Variants in DEFB1 observed in about 807,000 individuals in gnomAD.
The protein encoded by DEFB1 is defensin beta 1.
In DEFB1, 4 loss-of-function variants were observed where a neutral mutation model predicts 2.6. The observed-to-expected ratio is 1.53, with a 90% CI of 0.76 to 3.51. The LOEUF (loss-of-function observed/expected upper bound fraction) is 3.51. DEFB1 is among the 30% of genes most tolerant of loss of function. DEFB1 has a pLI of 0.01. For missense variants in DEFB1, 162 were observed against 76.9 expected (o/e 2.11, Z -4.14); for synonymous variants, 56 against 28.5 (o/e 1.96, Z -3.07).
intron 1 of DEFB1, among the ~76,000 whole-genome samples, chr8:6,874,118 TACACACACACAC>T (rs756827017): frequency 1.7e-5 from 2 of 120,232 alleles, no homozygotes; most frequent in Non-Finnish European, 3.4e-5. Context: ...ATATCTGACA[TACACACACACAC>T]ACACACACAC....
chr8:6,877,845 A>T lies in DEFB1; in HGVS notation c.13T>A (p.Tyr5Asn). Residue 5 changes from tyrosine (Y) to asparagine (N), a missense_variant, in exon 1 of 2, where the codon TAC (tyrosine) becomes AAC (asparagine). Tyr to Asn is a moderately radical substitution (Grantham distance 143, BLOSUM62 -2). Coordinates refer to ENST00000297439, the MANE Select transcript of DEFB1 (RefSeq NM_005218.4). The stretch of plus-strand genomic sequence containing the variant: ...AAGCAGAGAGTAAACAGCAGAAGGT[A>T]GGAAGTTCTCATGGCGACTGGCAGG... MRTS[Y>N]LLLFTLCLLL... 1 of 1,614,052 alleles carries T rather than the reference A, an allele frequency of 6.2e-7. No homozygotes were observed. The highest frequency in any genetic ancestry group is 8.5e-7 in the Non-Finnish European group (1 of 1,179,934).
chr8:6,873,159 C>A (rs954358803), intron 1 of DEFB1, among the ~76,000 whole-genome samples: 1 of 152,172 alleles, frequency 6.6e-6, no homozygotes, highest in African/African-American at 2.4e-5. Context: ...TTAATTCAAC[C>A]TTTCTGTGAT....
At chr8:6,875,622 G>C (rs1217957118) in intron 1 of DEFB1, among the ~76,000 whole-genome samples, 3 of 152,170 alleles carry the variant, frequency 2.0e-5, no homozygotes, top group Admixed American at 2.0e-4. Context: ...ATCAAATGTT[G>C]GCAAGGATAC....
At chr8:6,873,948 A>T (rs1331749488) in intron 1 of DEFB1, among the ~76,000 whole-genome samples, 1 of 152,138 alleles carries the variant, frequency 6.6e-6, no homozygotes, top group African/African-American at 2.4e-5. Flanking sequence ...CTTGCCTTTA[A>T]CATTTTCATG....
rs542627909 is a variant in DEFB1, at chr8:6,870,815, G to A, written c.73C>T (p.Leu25Phe). ...TCAGATCTGTGGCCAAGGCCTGTGA[G>A]AAAGTTACCACCTGTAAGGAGGGAA... ...LSEMASGGNF[L>F]TGLGHRSDHY... is the part of the protein sequence containing the mutation. Residue 25 changes from leucine (L) to phenylalanine (F), a missense_variant, in exon 2 of 2, where the codon CTC (leucine) becomes TTC (phenylalanine). By Grantham distance (22) the Leu-to-Phe change is conservative (BLOSUM62 0). Transcript: ENST00000297439. The A allele has an allele frequency of 1.2e-6, 2 of 1,612,916 alleles. No individual in the cohort carries two copies. Among genetic ancestry groups the A allele is most frequent in the Non-Finnish European group, 1.7e-6 (2 of 1,179,608 alleles).
At chr8:6,874,942 A>C in intron 1 of DEFB1, among the ~76,000 whole-genome samples, 1 of 151,734 alleles carries the variant, frequency 6.6e-6, no homozygotes, top group East Asian at 1.9e-4. Flanking sequence ...AGATTGTGCC[A>C]CTGCACTACA....
rs577119558 is a variant in DEFB1, at chr8:6,877,070, C to A, written c.61+727G>T. On this transcript the variant is annotated intron_variant, in intron 1 of 1. Transcript: ENST00000297439. ...TTGCTTTCAGGATCATCCTTCCCAG[C>A]CCCTCATTCTGCAGATGAATAAACC... Among the ~76,000 whole-genome samples, 4 of 152,236 alleles carry A rather than the reference C, an allele frequency of 2.6e-5. No individual in the cohort carries two copies. The South Asian group carries it at 8.3e-4, about 32-fold the overall frequency.
chr8:6,876,390 T>C (rs968657141), intron 1 of DEFB1, among the ~76,000 whole-genome samples: 7 of 152,020 alleles, frequency 4.6e-5, no homozygotes, highest in African/African-American at 1.7e-4. Flanking sequence ...GGCAGGAGAA[T>C]TGCTTGAACC....
At chr8:6,873,984 T>C (rs981524860) in intron 1 of DEFB1, among the ~76,000 whole-genome samples, 9 of 152,232 alleles carry the variant, frequency 5.9e-5, no homozygotes, top group African/African-American at 1.9e-4. Context: ...TTGTGTTAGA[T>C]ATTGCTGTGC....
chr8:6,873,106 A>T (rs958950518), intron 1 of DEFB1, among the ~76,000 whole-genome samples: 7 of 152,198 alleles, frequency 4.6e-5, no homozygotes, highest in African/African-American at 1.7e-4. Context: ...CAAATTTAAT[A>T]TGGATGTAGC....
intron 1 of DEFB1, among the ~76,000 whole-genome samples, chr8:6,871,377 T>C (rs895133565): frequency 6.6e-6 from 1 of 152,090 alleles, no homozygotes; most frequent in African/African-American, 2.4e-5. Flanking sequence ...TTTTTTCTAC[T>C]TGGACTTTAT....
intron 1 of DEFB1, among the ~76,000 whole-genome samples, chr8:6,875,053 T>G (rs889289506): frequency 5.2e-5 from 7 of 134,644 alleles, no homozygotes; most frequent in African/African-American, 2.0e-4. Context: ...GACCGTTACT[T>G]CATACCGAAG....
At chr8:6,873,139 C>A (rs1018898778) in intron 1 of DEFB1, among the ~76,000 whole-genome samples, 1 of 152,138 alleles carries the variant, frequency 6.6e-6, no homozygotes, top group Non-Finnish European at 1.5e-5. Context: ...GGATGGACTT[C>A]GGAACTCAAT....
chr8:6,877,602 G>T (rs1341219205), intron 1 of DEFB1, among the ~76,000 whole-genome samples, 195 bp downstream of exon 1: 1 of 152,212 alleles, frequency 6.6e-6, no homozygotes, highest in Non-Finnish European at 1.5e-5. Flanking sequence ...TCACTCCTTG[G>T]CGGCTCACAG....
rs143764281 is a variant in DEFB1, at chr8:6,877,023, G to T, written c.61+774C>A. Among the ~76,000 whole-genome samples, 440 of 152,276 alleles carry T rather than the reference G, an allele frequency of 2.9e-3. 1 individual carries two copies. Among genetic ancestry groups the T allele is most frequent in the African/African-American group, 0.01 (426 of 41,550 alleles). ...GAGAAACTTACAATAGGATCTTACA[G>T]AGACTTTCTGAACTGGAGTGCTTGC... On this transcript the variant is annotated intron_variant, in intron 1 of 1. Coordinates refer to ENST00000297439, the MANE Select transcript of DEFB1 (RefSeq NM_005218.4).
intron 1 of DEFB1, among the ~76,000 whole-genome samples, chr8:6,873,517 C>G (rs5743473): frequency 6.6e-6 from 1 of 152,180 alleles, no homozygotes; most frequent in Admixed American, 6.5e-5. Flanking sequence ...GAGGAGACTA[C>G]GCAGCCATAA....
chr8:6,874,402 C>T (rs989444731), intron 1 of DEFB1, among the ~76,000 whole-genome samples: 1 of 152,176 alleles, frequency 6.6e-6, no homozygotes. Context: ...CCATGGGAAT[C>T]CCCAGAGGTT....
chr8:6,871,465 G>C (rs912191807), intron 1 of DEFB1, among the ~76,000 whole-genome samples: 36 of 152,074 alleles, frequency 2.4e-4, no homozygotes, highest in Admixed American at 2.4e-3. Context: ...ATGCAACAGG[G>C]AACAGTCGCC....
rs1240548315 is a variant in DEFB1, at chr8:6,877,845, A to G, written c.13T>C (p.Tyr5His). The G allele has an allele frequency of 2.5e-6, 4 of 1,614,052 alleles. No homozygotes were observed. The highest frequency in any genetic ancestry group is 2.5e-6 in the Non-Finnish European group (3 of 1,179,934). The change falls in exon 1 of 2, where the codon TAC becomes CAC. Residue 5 changes from tyrosine (Y) to histidine (H), a missense_variant. Tyr to His is a moderately conservative substitution (Grantham distance 83, BLOSUM62 2). Transcript: ENST00000297439. The part of the protein sequence containing the change: MRTS[Y>H]LLLFTLCLLL... ...AAGCAGAGAGTAAACAGCAGAAGGT[A>G]GGAAGTTCTCATGGCGACTGGCAGG...
Sources: allele counts gnomAD v4.1 joint callset (sites outside exome capture counted in the v4.1 genomes callset), GRCh38; gene constraint gnomAD v4.1.1; transcripts MANE v1.5; gene names NCBI Gene and HGNC (gene_info 2026-07-23, HGNC 2026-07-21).